RAD18: variants seen among roughly 807,000 people sequenced by gnomAD.
RAD18 encodes RAD18 E3 ubiquitin protein ligase.
Under a neutral mutation model 60.4 loss-of-function variants are expected in RAD18, and 47 were observed. The observed-to-expected ratio is 0.78, with a 90% confidence interval of 0.62 to 0.99. The LOEUF is 0.99. RAD18 is among the 50% of genes least tolerant of loss of function. The pLI is 0.00. For synonymous variants in RAD18, 225 were observed against 195.5 expected (o/e 1.15, Z -1.26); for missense variants, 640 against 593.3 (o/e 1.08, Z -0.82).
At chr3:8,939,883 G>C (rs550682071) in intron 5 of RAD18, among the ~76,000 whole-genome samples, 11 of 152,316 alleles carry the variant, frequency 7.2e-5, no homozygotes, top group African/African-American at 2.4e-4. Flanking sequence ...CCTGGTCCCA[G>C]AGAAAGAGAC....
chr3:8,959,685 C>A (rs1941065470), intron 1 of RAD18, among the ~76,000 whole-genome samples: 1 of 152,174 alleles, frequency 6.6e-6, no homozygotes, highest in South Asian at 2.1e-4. Flanking sequence ...GCAATCCAAA[C>A]AGGAACGGAA....
chr3:8,962,517 G>A (rs561775132), intron 1 of RAD18, among the ~76,000 whole-genome samples: 1 of 152,286 alleles, frequency 6.6e-6, no homozygotes, highest in South Asian at 2.1e-4. Context: ...TAATCCCCAA[G>A]TCTACAAAAC....
intron 12 of RAD18, among the ~76,000 whole-genome samples, chr3:8,889,292 C>T (rs1415679198): frequency 6.6e-6 from 1 of 152,146 alleles, no homozygotes; most frequent in Admixed American, 6.6e-5. Flanking sequence ...TGCTATATGA[C>T]CTTGGGCTGG....
intron 10 of RAD18, among the ~76,000 whole-genome samples, chr3:8,899,413 A>G (rs1021238406): frequency 1.3e-5 from 2 of 152,248 alleles, no homozygotes; most frequent in African/African-American, 4.8e-5. Flanking sequence ...CCAAAAAAAG[A>G]CTACAGATTC....
intron 4 of RAD18, among the ~76,000 whole-genome samples, chr3:8,942,918 C>T (rs1039749559): frequency 6.6e-6 from 1 of 152,296 alleles, no homozygotes; most frequent in East Asian, 1.9e-4. Flanking sequence ...GTTAGTTGTT[C>T]GCATTGGAGC....
intron 7 of RAD18, among the ~76,000 whole-genome samples, chr3:8,921,632 C>T (rs960044953): frequency 6.6e-6 from 1 of 151,684 alleles, no homozygotes; most frequent in African/African-American, 2.4e-5. Flanking sequence ...AGAGCAAGAC[C>T]CTATCTTTAA....
At chr3:8,884,026 G>C (rs1342091124) in intron 12 of RAD18, among the ~76,000 whole-genome samples, 3 of 152,234 alleles carry the variant, frequency 2.0e-5, no homozygotes, top group Admixed American at 6.5e-5. Flanking sequence ...CTTGCAAGTA[G>C]AGTCTTCCAG....
intron 2 of RAD18, among the ~76,000 whole-genome samples, chr3:8,956,507 T>A (rs931733308): frequency 2.6e-5 from 4 of 152,158 alleles, no homozygotes; most frequent in African/African-American, 9.7e-5. Flanking sequence ...ATTTCCAGAA[T>A]TTCCCATTTA....
intron 7 of RAD18, among the ~76,000 whole-genome samples, chr3:8,930,739 A>T (rs1250674431): frequency 1.3e-5 from 2 of 152,230 alleles, no homozygotes; most frequent in Non-Finnish European, 2.9e-5. Flanking sequence ...GGCATCTATG[A>T]AAACCTATCA....
intron 7 of RAD18, among the ~76,000 whole-genome samples, chr3:8,932,144 T>C (rs1575553401): frequency 6.6e-6 from 1 of 152,218 alleles, no homozygotes; most frequent in East Asian, 1.9e-4. Flanking sequence ...AATCATGAAA[T>C]GATACACAAG....
chr3:8,943,650 G>A (rs539604131), intron 4 of RAD18, among the ~76,000 whole-genome samples: 307 of 148,924 alleles, frequency 2.1e-3, no homozygotes, highest in African/African-American at 7.3e-3. Context: ...AAATCTGATA[G>A]AAAAAAAAAA....
intron 11 of RAD18, among the ~76,000 whole-genome samples, chr3:8,895,926 T>G (rs555660590): frequency 6.6e-6 from 1 of 152,248 alleles, no homozygotes; most frequent in Non-Finnish European, 1.5e-5. Flanking sequence ...GGAATCCTAG[T>G]TGAAATGCTG....
Position 8,939,553 on chromosome 3 carries a change from C to A in RAD18, c.704+1G>T. On this transcript the variant is annotated splice_donor_variant, in intron 6 of 12. Transcript: ENST00000264926. LOFTEE classifies it high-confidence loss of function. The stretch of plus-strand genomic sequence containing the variant: ...TCAATGGTTCTGCTCAACTTCCTTA[C>A]CTTCTGAGGCTTTCCTTCTTCTCTT... The A allele has an allele frequency of 6.2e-7, 1 of 1,609,240 alleles. No homozygotes were observed. The highest frequency in any genetic ancestry group is 8.5e-7 in the Non-Finnish European group (1 of 1,176,458).
chr3:8,901,796 T>TA (rs1939917623), intron 10 of RAD18, among the ~76,000 whole-genome samples: 1 of 152,350 alleles, frequency 6.6e-6, no homozygotes, highest in African/African-American at 2.4e-5. Flanking sequence ...GTTAAAAAGA[T>TA]AAACATTGTG....
intron 2 of RAD18, among the ~76,000 whole-genome samples, chr3:8,950,853 C>T (rs184681661): frequency 6.6e-6 from 1 of 151,968 alleles, no homozygotes; most frequent in African/African-American, 2.4e-5. Context: ...GGAATGCTAG[C>T]GATAAAAAGA....
intron 9 of RAD18, among the ~76,000 whole-genome samples, chr3:8,909,413 G>A (rs1940068279): frequency 2.0e-5 from 3 of 152,096 alleles, no homozygotes. Context: ...AGAGTAGATG[G>A]GGGATGACTA....
At chr3:8,922,093 G>C (rs1453322655) in intron 7 of RAD18, among the ~76,000 whole-genome samples, 1 of 152,174 alleles carries the variant, frequency 6.6e-6, no homozygotes, top group Non-Finnish European at 1.5e-5. Context: ...AGTGGGTGCA[G>C]GACAGTGGGA....
chr3:8,901,962 G>A (rs949294697), intron 10 of RAD18, among the ~76,000 whole-genome samples: 1 of 152,134 alleles, frequency 6.6e-6, no homozygotes, highest in Non-Finnish European at 1.5e-5. Context: ...GTTAAGGAAC[G>A]TGCTCTGTAT....
intron 9 of RAD18, among the ~76,000 whole-genome samples, chr3:8,909,754 A>G (rs1940075501): frequency 6.6e-6 from 1 of 152,220 alleles, no homozygotes; most frequent in African/African-American, 2.4e-5. Flanking sequence ...AGGGGTGTCC[A>G]ATCTTTTGGC....
Sources: gnomAD v4.1 joint callset for allele counts (sites outside exome capture counted in the v4.1 genomes callset) on GRCh38, gnomAD v4.1.1 for gene constraint, MANE v1.5 for transcripts, NCBI Gene and HGNC (gene_info 2026-07-23, HGNC 2026-07-21) for gene names.